The following CCDC88A variants were observed in gnomAD, a reference collection of about 807,000 sequenced individuals.
CCDC88A encodes coiled-coil and HOOK domain protein 88A, also known as girdin.
Under a neutral mutation model 234.3 loss-of-function variants are expected in CCDC88A, and 54 were observed. The ratio of observed to expected loss-of-function variants is 0.23; its 90% confidence interval spans 0.19 to 0.29. CCDC88A has a LOEUF of 0.29. CCDC88A is among the 10% of genes least tolerant of loss of function. CCDC88A has a pLI of 1.00. For synonymous variants in CCDC88A, 753 were observed against 737.8 expected, an observed-to-expected ratio of 1.02 and a Z score of -0.33; for missense variants, 1,832 against 2,123.4, an observed-to-expected ratio of 0.86 and a Z score of 2.70.
chr2:55,399,577 G>A (rs1678253266), intron 2 of CCDC88A: 1 of 150,856 alleles, frequency 6.6e-6, no homozygotes, highest in Admixed American at 6.6e-5. Context: ...TGAGATATGA[G>A]GAGAAATACA....
chr2:55,415,175 T>C (rs966002095), intron 2 of CCDC88A, among the ~76,000 whole-genome samples: 9 of 151,942 alleles, frequency 5.9e-5, no homozygotes, highest in Middle Eastern at 3.4e-3. Flanking sequence ...CAGCCAGGCA[T>C]TGTGGTGCGC....
chr2:55,389,113 C>T (rs1676174616), intron 2 of CCDC88A, among the ~76,000 whole-genome samples: 1 of 152,154 alleles, frequency 6.6e-6, no homozygotes, highest in Non-Finnish European at 1.5e-5. Context: ...TAATTTCAAA[C>T]CTAAGTCAGA....
chr2:55,358,694 C>T (rs937016906), intron 7 of CCDC88A, among the ~76,000 whole-genome samples: 11 of 151,978 alleles, frequency 7.2e-5, no homozygotes, highest in African/African-American at 2.4e-4. Context: ...ATAGATAATC[C>T]TTACTTAAAC....
intron 29 of CCDC88A, among the ~76,000 whole-genome samples, chr2:55,298,904 C>G (rs1027827124): frequency 7.2e-6 from 1 of 138,746 alleles, no homozygotes; most frequent in Admixed American, 7.2e-5. Context: ...CACAAAAAAA[C>G]AAAAAACCCT....
chr2:55,396,528 T>C (rs1348239222), intron 2 of CCDC88A, among the ~76,000 whole-genome samples: 1 of 152,162 alleles, frequency 6.6e-6, no homozygotes, highest in Non-Finnish European at 1.5e-5. Flanking sequence ...TCTTTTAGTT[T>C]TTCCTTTTAT....
At chr2:55,393,288 G>GGTTTT (rs1676958460) in intron 2 of CCDC88A, among the ~76,000 whole-genome samples, 2 of 50,060 alleles carry the variant, frequency 4.0e-5, no homozygotes, top group Non-Finnish European at 8.4e-5. Context: ...TGGTTTTTTG[G>GGTTTT]GTTTTTTTTT....
chr2:55,288,785 G>A lies in CCDC88A; in HGVS notation c.*2415C>T, dbSNP rs1171026928. ...TTAGAATACAGCCAGATAATTTAAA[G>A]CATGTCAGGCCCCGGTTAGGAAAAT... is the stretch of plus-strand genomic sequence containing the variant. On this transcript the variant is annotated 3_prime_UTR_variant, in exon 33 of 33. Coordinates refer to ENST00000436346, the MANE Select transcript of CCDC88A (RefSeq NM_001365480.1). The A allele has an allele frequency of 6.6e-6, 1 of 152,164 alleles. No individual in the cohort carries two copies. Among genetic ancestry groups the A allele is most frequent in the African/African-American group, 2.4e-5 (1 of 41,444 alleles). 9.4% of individuals were successfully genotyped at this position (152,164 alleles called of 1,614,324 possible).
chr2:55,412,685 T>G (rs1309772661), intron 2 of CCDC88A, among the ~76,000 whole-genome samples: 2 of 152,180 alleles, frequency 1.3e-5, no homozygotes, highest in Non-Finnish European at 2.9e-5. Context: ...CCAAAAAGGT[T>G]GGGGACCGCT....
At chr2:55,362,146 G>T (rs1671402001) in intron 7 of CCDC88A, 162 bp downstream of exon 7, 2 of 484,974 alleles carry the variant, frequency 4.1e-6, no homozygotes, top group Non-Finnish European at 7.2e-6. Context: ...AGCAATTTGG[G>T]GTTCTTATAC....
chr2:55,352,684 T>C (rs1670043657), intron 8 of CCDC88A, among the ~76,000 whole-genome samples: 1 of 152,228 alleles, frequency 6.6e-6, no homozygotes, highest in South Asian at 2.1e-4. Context: ...TATTAACTAC[T>C]GCATAAAAGT....
chr2:55,381,063 T>C (rs1674503321), intron 3 of CCDC88A, among the ~76,000 whole-genome samples: 1 of 152,234 alleles, frequency 6.6e-6, no homozygotes, highest in African/African-American at 2.4e-5. Flanking sequence ...ATACCTTCTC[T>C]ATGTTTAAAT....
intron 9 of CCDC88A, among the ~76,000 whole-genome samples, chr2:55,347,729 C>T (rs1176527079): frequency 4.0e-5 from 6 of 149,218 alleles, no homozygotes; most frequent in East Asian, 2.0e-4. Context: ...CTTGTGCCTC[C>T]GCCTCCCAAG....
At chr2:55,343,584 C>T in intron 12 of CCDC88A, 64 bp downstream of exon 12, 5 of 1,282,648 alleles carry the variant, frequency 3.9e-6, no homozygotes, top group Non-Finnish European at 5.4e-6. Context: ...TAAAGAACTG[C>T]AAGTAAACAT....
chr2:55,295,559 A>C, intron 31 of CCDC88A, 38 bp downstream of exon 31: 1 of 1,614,120 alleles, frequency 6.2e-7, no homozygotes, highest in Admixed American at 1.7e-5. Context: ...TTGGGATGTC[A>C]AGTATATGAG....
In CCDC88A at chr2:55,339,457, A is replaced by C. The variant is rs763465163; in HGVS notation, c.1518+7T>G. The C allele has an allele frequency of 2.0e-6, 3 of 1,516,740 alleles. No individual in the cohort carries two copies. Among genetic ancestry groups the C allele is most frequent in the Non-Finnish European group, 9.0e-7 (1 of 1,116,678 alleles). 94.0% of individuals were successfully genotyped at this position (1,516,740 alleles called of 1,614,324 possible). On this transcript the variant is annotated splice_region_variant and intron_variant, in intron 13 of 32. Transcript: ENST00000436346. ...AACATTAAAATAAACACTACATTTT[A>C]ATTTACCTTTTTACTGAGCCTTTGA... is the stretch of plus-strand genomic sequence containing the variant.
At chr2:55,295,322 T>G in intron 31 of CCDC88A, 1 of 1,480,042 alleles carries the variant, frequency 6.8e-7, no homozygotes, top group Non-Finnish European at 9.1e-7. Context: ...TGTTACTAAC[T>G]AATTCTGTAT....
intron 4 of CCDC88A, among the ~76,000 whole-genome samples, chr2:55,373,428 T>C (rs188288367): frequency 1.8e-4 from 27 of 152,300 alleles, no homozygotes; most frequent in African/African-American, 6.3e-4. Flanking sequence ...TGTGTAGTCT[T>C]CCCTGATCCA....
intron 18 of CCDC88A, among the ~76,000 whole-genome samples, chr2:55,319,336 A>G (rs1169736484): frequency 1.3e-5 from 2 of 152,198 alleles, no homozygotes; most frequent in East Asian, 3.8e-4. Context: ...TGGTTTTAAT[A>G]CTGCTTGAAG....
intron 7 of CCDC88A, among the ~76,000 whole-genome samples, chr2:55,358,015 C>T (rs1028459305): frequency 6.6e-6 from 1 of 152,172 alleles, no homozygotes; most frequent in Non-Finnish European, 1.5e-5. Context: ...AATCACTCAA[C>T]TCCTCCCCGC....
Sources: allele counts gnomAD v4.1 joint callset (sites outside exome capture counted in the v4.1 genomes callset), GRCh38; gene constraint gnomAD v4.1.1; transcripts MANE v1.5; gene names NCBI Gene and HGNC (gene_info 2026-07-23, HGNC 2026-07-21).